NPAS4: variants seen among roughly 807,000 people sequenced by gnomAD.
NPAS4 encodes neuronal PAS domain-containing protein 4.
In NPAS4, 10 loss-of-function variants were observed where a neutral mutation model predicts 64.0. That is an observed-to-expected ratio of 0.16 (90% CI 0.10 to 0.26). The LOEUF (loss-of-function observed/expected upper bound fraction) is 0.26, where lower values mean the gene tolerates loss of function less well. Among genes scored for constraint, NPAS4 ranks in the 10% least tolerant of loss-of-function variants. The probability of loss-of-function intolerance (pLI) is 1.00; values close to 1 mark genes in which losing one functional copy is unlikely to be tolerated. For missense variants in NPAS4, 886 were observed against 992.6 expected, an observed-to-expected ratio of 0.89 and a Z score of 1.44; for synonymous variants, 441 against 411.7, an observed-to-expected ratio of 1.07 and a Z score of -0.86.
At chr11:66,412,771 G>A in the NPAS4 span, among the ~76,000 whole-genome samples, 1 of 152,178 alleles carries the variant, frequency 6.6e-6, no homozygotes, top group East Asian at 1.9e-4. Flanking sequence ...TGTCACAAAG[G>A]CAGTCTGTGG....
intron 2 of NPAS4, 62 bp downstream of exon 2, chr11:66,422,333 C>G (rs770285031): frequency 7.0e-6 from 11 of 1,565,888 alleles, no homozygotes; most frequent in Non-Finnish European, 8.8e-6. Context: ...GAGCCTTCCA[C>G]TCCTGAGGAA....
Position 66,422,141 on chromosome 11 carries a change from C to T in NPAS4, c.197C>T (p.Thr66Met), listed in dbSNP as rs765449671. 3 of 1,614,038 alleles carry T rather than the reference C, an allele frequency of 1.9e-6. No individual in the cohort carries two copies. The highest frequency in any genetic ancestry group is 2.5e-6 in the Non-Finnish European group (3 of 1,180,004). The stretch of plus-strand genomic sequence containing the variant: ...ACAGGCACTCCTCTGGCGGGCCCCA[C>T]GGGGCTTCTCTCAGCTCAAGAGCTT... ...FAGGTPLAGP[T>M]GLLSAQELED... Residue 66 changes from threonine to methionine, a missense_variant, in exon 2 of 8, where the codon ACG becomes ATG. Physicochemically the swap from Thr to Met is moderately conservative, Grantham distance 81 (BLOSUM62 -1). Transcript: ENST00000311034.
chr11:66,415,190 G>A, the NPAS4 span, among the ~76,000 whole-genome samples: 1 of 152,216 alleles, frequency 6.6e-6, no homozygotes, highest in Non-Finnish European at 1.5e-5. Flanking sequence ...TGCAGGAAGT[G>A]GAGCATCATC....
At chr11:66,419,052 C>T (rs149641046), upstream of NPAS4, among the ~76,000 whole-genome samples, 1 of 152,040 alleles carries the variant, frequency 6.6e-6, no homozygotes, top group Non-Finnish European at 1.5e-5. Flanking sequence ...GAATTTCATA[C>T]GGAAGGGGAT....
At chr11:66,423,332 TA>T in intron 5 of NPAS4, 100 bp downstream of exon 5, 1 of 908,838 alleles carries the variant, frequency 1.1e-6, no homozygotes, top group Non-Finnish European at 1.8e-6. Flanking sequence ...GCTGGGGAGA[TA>T]ACAGAGGCCA....
At chr11:66,425,844 T>C (rs1264314617) in intron 7 of NPAS4, 117 bp from the exon 8 acceptor site, 3 of 781,252 alleles carry the variant, frequency 3.8e-6, no homozygotes, top group South Asian at 1.5e-5. Flanking sequence ...TGGCCATCAT[T>C]TCATCATTGA....
Position 66,424,617 on chromosome 11 carries a change from C to G in NPAS4, c.1727C>G (p.Pro576Arg). 2 of 1,614,158 alleles carry G rather than the reference C, an allele frequency of 1.2e-6. No homozygotes were observed. Among genetic ancestry groups the G allele is most frequent in the Non-Finnish European group, 1.7e-6 (2 of 1,180,012 alleles). ...GCSFLYEKLP[P>R]SPSSPGNGDC... ...AGTTTTCTCTATGAGAAGTTGCCCC[C>G]AAGTCCTAGCAGCCCTGGTAATGGG... Residue 576 changes from proline (P) to arginine (R), a missense_variant, in exon 7 of 8, where the codon CCA becomes CGA. Physicochemically the swap from Pro to Arg is moderately radical, Grantham distance 103. Transcript: ENST00000311034.
At chr11:66,419,808 CAGAGCCAGG>C (rs1483576551), upstream of NPAS4, among the ~76,000 whole-genome samples, 6 of 152,162 alleles carry the variant, frequency 3.9e-5, no homozygotes, top group African/African-American at 1.4e-4. Flanking sequence ...GGTGGAGAGG[CAGAGCCAGG>C]AGCCTTAGAG....
At chr11:66,412,140 A>G in the NPAS4 span, among the ~76,000 whole-genome samples, 1 of 152,198 alleles carries the variant, frequency 6.6e-6, no homozygotes, top group Admixed American at 6.5e-5. Flanking sequence ...GTTTTTAGTA[A>G]TGGGAGATAA....
the NPAS4 span, chr11:66,409,708 A>G: frequency 2.6e-5 from 4 of 152,286 alleles, no homozygotes; most frequent in African/African-American, 9.6e-5. Context: ...CATGGGCCAG[A>G]ACCCACAGAT....
Position 66,424,994 on chromosome 11 carries a change from A to G in NPAS4, c.2104A>G (p.Asn702Asp), listed in dbSNP as rs147463475. 2.9e-3 allele frequency: 4,666 copies of G among 1,614,122 alleles called. 14 individuals carry two copies. The highest frequency in any genetic ancestry group is 6.2e-3 in the Admixed American group (372 of 60,018). The change falls in exon 7 of 8, where the codon AAC becomes GAC. Residue 702 changes from asparagine (N) to aspartate (D), a missense_variant. Around this residue, in one of 3 missense-constraint regions of NPAS4, gnomAD observed 820 missense variants for 855.5 expected, o/e 0.96. Transcript: ENST00000311034. ...QELDFLADPD[N>D]MFLEETPVED... ...GCTGGACTTCCTGGCTGACCCTGAT[A>G]ACATGTTCCTGGAAGAGACGCCCGT...
rs1590697087 is a variant in NPAS4, at chr11:66,425,260, C to T, written c.2370C>T (p.Ser790=). Residue 790 remains serine (S), a synonymous_variant, in exon 7 of 8, where the codon AGC becomes AGT. Coordinates refer to ENST00000311034, the MANE Select transcript of NPAS4 (RefSeq NM_178864.4). ...LHQLQSQVQD[S]FHEDGSGGEP... is the part of the protein sequence containing the mutation. ...AACTCCAGAGCCAAGTTCAAGACAG[C>T]TTCCATGAAGGTGAGTCAGCCAAAA... is the stretch of plus-strand genomic sequence containing the variant. 6.7e-7 allele frequency: 1 copy of T among 1,500,772 alleles called. No homozygotes were observed. 93.0% of individuals were successfully genotyped at this position (1,500,772 alleles called of 1,614,324 possible).
chr11:66,414,534 T>C, the NPAS4 span, among the ~76,000 whole-genome samples: 1 of 152,256 alleles, frequency 6.6e-6, no homozygotes, highest in African/African-American at 2.4e-5. Context: ...TCTGGCCGTC[T>C]CAATGCGTGG....
intron 5 of NPAS4, 44 bp from the exon 6 acceptor site, chr11:66,423,534 A>G (rs1590695097): frequency 1.2e-6 from 2 of 1,611,158 alleles, no homozygotes; most frequent in East Asian, 4.5e-5. Context: ...AGTAGGTAGA[A>G]TTGCCTGGTG....
intron 4 of NPAS4, 59 bp from the exon 5 acceptor site, chr11:66,423,064 A>G: frequency 6.7e-7 from 1 of 1,483,976 alleles, no homozygotes; most frequent in Non-Finnish European, 9.3e-7. Context: ...AGGGAGTGAG[A>G]TGCATGGGTA....
chr11:66,419,233 G>A (rs773753041), upstream of NPAS4, among the ~76,000 whole-genome samples: 8 of 152,128 alleles, frequency 5.3e-5, no homozygotes, highest in Admixed American at 3.3e-4. Context: ...AGCGGACATC[G>A]TTCCCTCCAC....
At position 66,423,103 on chromosome 11, in the gene NPAS4, C is replaced by T. The variant is rs1856775344; in HGVS notation, c.699-20C>T. On this transcript the variant is annotated intron_variant, in intron 4 of 7. Coordinates refer to ENST00000311034, the MANE Select transcript of NPAS4 (RefSeq NM_178864.4). ...AGCAAGGAAAACAGAAAGCTGACCT[C>T]ACCCTTTCCACCTTCCCAGTGTCCT... 6.4e-7 allele frequency: 1 copy of T among 1,565,382 alleles called. No homozygotes were observed. The highest frequency in any genetic ancestry group is 1.1e-5 in the South Asian group (1 of 88,022).
chr11:66,412,184 A>G, the NPAS4 span, among the ~76,000 whole-genome samples: 2 of 152,240 alleles, frequency 1.3e-5, no homozygotes, highest in Admixed American at 1.3e-4. Context: ...TGGGAAGAAC[A>G]TGGTCAGGTT....
the NPAS4 span, chr11:66,410,324 A>C: frequency 6.6e-6 from 1 of 152,344 alleles, no homozygotes. Context: ...CGAGGGTGGC[A>C]AGGAGAGAAG....
Sources: allele counts gnomAD v4.1 joint callset (sites outside exome capture counted in the v4.1 genomes callset), GRCh38; gene constraint gnomAD v4.1.1; regional missense constraint gnomAD v4.1.1; transcripts MANE v1.5; gene names NCBI Gene and HGNC (gene_info 2026-07-23, HGNC 2026-07-21).